DLG2: variants seen among roughly 807,000 people sequenced by gnomAD.
The protein encoded by DLG2 is discs large MAGUK scaffold protein 2, also known as disks large homolog 2.
A neutral mutation model predicts 132.5 loss-of-function variants in DLG2; 45 were observed. The ratio of observed to expected loss-of-function variants is 0.34; its 90% confidence interval spans 0.27 to 0.44. DLG2 has a LOEUF of 0.44. Ranked by LOEUF, DLG2 falls within the 20% of genes least tolerant of loss-of-function variation. The pLI, the probability that DLG2 is intolerant of heterozygous loss-of-function variation, is 1.00. For synonymous variants in DLG2, 424 were observed against 419.6 expected (o/e 1.01, Z -0.13); for missense variants, 1,045 against 1,196.9 (o/e 0.87, Z 1.87).
intron 7 of DLG2, among the ~76,000 whole-genome samples, chr11:84,473,213 G>C (rs143888143): frequency 9.9e-5 from 15 of 152,086 alleles, no homozygotes; most frequent in Admixed American, 7.2e-4. Context: ...TTCAATGAAG[G>C]GGGGGTTTCT....
At chr11:85,520,250 G>C (rs1296158872) in intron 3 of DLG2, among the ~76,000 whole-genome samples, 1 of 151,972 alleles carries the variant, frequency 6.6e-6, no homozygotes, top group Admixed American at 6.6e-5. Flanking sequence ...ATTTACAATA[G>C]TTATGAAAAA....
intron 15 of DLG2, among the ~76,000 whole-genome samples, chr11:83,893,332 C>T (rs938067323): frequency 3.9e-5 from 6 of 152,174 alleles, no homozygotes; most frequent in Non-Finnish European, 7.3e-5. Context: ...AATACACAGT[C>T]CCTTTGAGGG....
chr11:83,822,544 C>A (rs1214745244), intron 17 of DLG2, among the ~76,000 whole-genome samples: 1 of 152,126 alleles, frequency 6.6e-6, no homozygotes, highest in Non-Finnish European at 1.5e-5. Flanking sequence ...TCAGCAGCTA[C>A]AACAGGGCAA....
chr11:85,407,247 A>G lies in DLG2; in HGVS notation c.41-121882T>C, dbSNP rs189499050. Among the ~76,000 whole-genome samples, 4 of 152,064 alleles carry G rather than the reference A, an allele frequency of 2.6e-5. No homozygotes were observed. In the East Asian group the frequency reaches 7.8e-4, roughly 30 times the overall value. On this transcript the variant is annotated intron_variant, in intron 3 of 27. Transcript: ENST00000376104. ...AAATTTTGCAAAATTTTTAGCAGAG[A>G]AGAAACATAATCTTCTACATGTTAA...
At chr11:83,689,236 G>A (rs527560848) in intron 18 of DLG2, among the ~76,000 whole-genome samples, 28 of 152,224 alleles carry the variant, frequency 1.8e-4, no homozygotes, top group South Asian at 4.1e-4. Context: ...TAATAGATGA[G>A]TAGGAGATAT....
intron 6 of DLG2, among the ~76,000 whole-genome samples, chr11:85,049,243 G>A (rs652830): frequency 0.71 from 108,304 of 151,890 alleles, 40,023 homozygotes; most frequent in East Asian, 0.94. Flanking sequence ...CAATTATATC[G>A]TATATCAGAA....
In DLG2 at chr11:83,973,373, G is replaced by T. The variant is rs147412418; in HGVS notation, c.1056+7133C>A. Among the ~76,000 whole-genome samples the T allele has an allele frequency of 2.5e-3, 377 of 152,148 alleles. 2 individuals carry two copies. Among genetic ancestry groups the T allele is most frequent in the African/African-American group, 8.8e-3 (365 of 41,530 alleles). On this transcript the variant is annotated intron_variant, in intron 12 of 27. Coordinates refer to ENST00000376104, the MANE Select transcript of DLG2 (RefSeq NM_001142699.3). Reference sequence around the variant, plus strand: ...AGGTTCTAACCCTTAAATAAAATATGTCATAGCAATTACATTGTATTATAA... The same window carrying T: ...AGGTTCTAACCCTTAAATAAAATATTTCATAGCAATTACATTGTATTATAA...
At chr11:84,101,030 CAG>C (rs2092474992) in intron 9 of DLG2, among the ~76,000 whole-genome samples, 1 of 152,120 alleles carries the variant, frequency 6.6e-6, no homozygotes, top group South Asian at 2.1e-4. Context: ...GTTCACTGAA[CAG>C]AGTTATTACT....
intron 21 of DLG2, among the ~76,000 whole-genome samples, chr11:83,513,139 A>G (rs1031219954): frequency 6.6e-6 from 1 of 152,240 alleles, no homozygotes; most frequent in Non-Finnish European, 1.5e-5. Flanking sequence ...ACCAGTTTAT[A>G]GTCCCACCAG....
intron 16 of DLG2, among the ~76,000 whole-genome samples, chr11:83,864,158 C>T (rs1327194612): frequency 6.6e-6 from 1 of 152,162 alleles, no homozygotes; most frequent in Non-Finnish European, 1.5e-5. Flanking sequence ...GTTCATTTAC[C>T]CTTCAGGTTT....
chr11:84,170,145 A>G (rs1049578238), intron 8 of DLG2, among the ~76,000 whole-genome samples: 1 of 152,140 alleles, frequency 6.6e-6, no homozygotes, highest in Non-Finnish European at 1.5e-5. Flanking sequence ...CAAGTCACCT[A>G]TGAACTCCAA....
intron 3 of DLG2, among the ~76,000 whole-genome samples, chr11:85,573,664 TA>T (rs1360399277): frequency 6.6e-6 from 1 of 152,202 alleles, no homozygotes; most frequent in African/African-American, 2.4e-5. Flanking sequence ...TCAACTAACT[TA>T]TATCCCCCCA....
At chr11:84,912,624 A>C (rs1385614829) in intron 6 of DLG2, among the ~76,000 whole-genome samples, 1 of 152,256 alleles carries the variant, frequency 6.6e-6, no homozygotes, top group African/African-American at 2.4e-5. Context: ...ACCTAGAAGC[A>C]TTGCAGACTA....
chr11:83,545,482 A>T (rs2096215155), intron 19 of DLG2, among the ~76,000 whole-genome samples: 1 of 152,080 alleles, frequency 6.6e-6, no homozygotes, highest in African/African-American at 2.4e-5. Flanking sequence ...ATATCTCTGT[A>T]TCCTCAGGAC....
At chr11:84,290,904 ACT>A (rs974307467) in intron 7 of DLG2, among the ~76,000 whole-genome samples, 1 of 151,898 alleles carries the variant, frequency 6.6e-6, no homozygotes, top group Non-Finnish European at 1.5e-5. Flanking sequence ...AGTTGCTTAA[ACT>A]CTCTCTGAAG....
chr11:83,966,729 T>C (rs143830902), intron 12 of DLG2, among the ~76,000 whole-genome samples: 348 of 152,214 alleles, frequency 2.3e-3, no homozygotes, highest in African/African-American at 7.9e-3. Flanking sequence ...TCCATCATCA[T>C]AGTTATAATT....
At chr11:85,602,319 TC>T (rs1241296914) in intron 2 of DLG2, among the ~76,000 whole-genome samples, 1 of 152,174 alleles carries the variant, frequency 6.6e-6, no homozygotes, top group African/African-American at 2.4e-5. Flanking sequence ...TCATCATCTA[TC>T]CCCTACATTA....
chr11:83,745,071 A>T (rs1178948961), intron 18 of DLG2, among the ~76,000 whole-genome samples: 3 of 152,176 alleles, frequency 2.0e-5, no homozygotes, highest in African/African-American at 7.2e-5. Flanking sequence ...TCAGTTCTCA[A>T]ACTCTGGATA....
chr11:85,063,010 T>G (rs1240678559), intron 6 of DLG2, among the ~76,000 whole-genome samples: 2 of 151,840 alleles, frequency 1.3e-5, no homozygotes, highest in Admixed American at 6.6e-5. Context: ...AAATTCTAAA[T>G]GTAGTGCTAA....
Sources: allele counts gnomAD v4.1 joint callset (sites outside exome capture counted in the v4.1 genomes callset), GRCh38; gene constraint gnomAD v4.1.1; transcripts MANE v1.5; gene names NCBI Gene and HGNC (gene_info 2026-07-23, HGNC 2026-07-21).